The following MAP3K5 variants were observed in gnomAD, a reference collection of about 807,000 sequenced individuals.
MAP3K5 encodes the protein ASK-1.
In MAP3K5, 56 loss-of-function variants were observed where a neutral mutation model predicts 158.7. The observed-to-expected ratio is 0.35, with a 90% CI of 0.28 to 0.44. The LOEUF is 0.44. MAP3K5 is among the 20% of genes least tolerant of loss of function. The pLI is 1.00. For synonymous variants in MAP3K5, 579 were observed against 601.7 expected (o/e 0.96, Z 0.55); for missense variants, 1,294 against 1,674.8 (o/e 0.77, Z 3.97).
intron 1 of MAP3K5, among the ~76,000 whole-genome samples, chr6:136,748,351 G>A (rs368492087): frequency 1.3e-5 from 2 of 152,188 alleles, no homozygotes; most frequent in East Asian, 3.8e-4. Flanking sequence ...CACCAAGCAT[G>A]TAGGAGTTAT....
intron 21 of MAP3K5, chr6:136,592,862 T>A (rs1034034047): frequency 3.1e-5 from 17 of 553,492 alleles, no homozygotes; most frequent in Non-Finnish European, 5.2e-5. Context: ...ACCAAAACAG[T>A]CAAGGAAGCC....
chr6:136,578,864 T>A (rs558886846), intron 25 of MAP3K5, among the ~76,000 whole-genome samples: 4 of 152,014 alleles, frequency 2.6e-5, no homozygotes, highest in Non-Finnish European at 4.4e-5. Flanking sequence ...CATTTATAAA[T>A]AATTTTAATT....
At chr6:136,574,683 C>CTTTTTTTTT (rs1223054758) in intron 25 of MAP3K5, among the ~76,000 whole-genome samples, 1 of 108,548 alleles carries the variant, frequency 9.2e-6, no homozygotes, top group South Asian at 2.9e-4. Context: ...AGATTAAACA[C>CTTTTTTTTT]TTTTTTTTTT....
chr6:136,735,200 T>C (rs970533162), intron 1 of MAP3K5, among the ~76,000 whole-genome samples: 1 of 152,216 alleles, frequency 6.6e-6, no homozygotes, highest in Non-Finnish European at 1.5e-5. Context: ...TAAGCATTAA[T>C]AGTTATTAAA....
At chr6:136,565,775 G>A (rs954848313) in intron 26 of MAP3K5, among the ~76,000 whole-genome samples, 2 of 152,154 alleles carry the variant, frequency 1.3e-5, no homozygotes, top group Admixed American at 1.3e-4. Context: ...TACTAAAGCA[G>A]CTGTCCTTTC....
intron 1 of MAP3K5, among the ~76,000 whole-genome samples, chr6:136,757,386 C>G (rs1418825280): frequency 6.6e-6 from 1 of 152,102 alleles, no homozygotes; most frequent in African/African-American, 2.4e-5. Flanking sequence ...GAGAAATAAG[C>G]TCAAGGGAGA....
intron 1 of MAP3K5, among the ~76,000 whole-genome samples, chr6:136,754,840 G>C (rs1260663106): frequency 6.6e-6 from 1 of 152,112 alleles, no homozygotes; most frequent in Non-Finnish European, 1.5e-5. Context: ...TGGAACAGAG[G>C]AAACGGGGCT....
intron 14 of MAP3K5, among the ~76,000 whole-genome samples, chr6:136,633,425 G>GTA (rs139665870): frequency 0.16 from 23,099 of 147,282 alleles, 1,926 homozygotes; most frequent in Non-Finnish European, 0.2. Context: ...ATAAATATAT[G>GTA]TATATATATA....
At chr6:136,761,979 C>T (rs112641916) in intron 1 of MAP3K5, among the ~76,000 whole-genome samples, 13 of 152,042 alleles carry the variant, frequency 8.6e-5, no homozygotes, top group African/African-American at 2.2e-4. Context: ...GCAATCCTGC[C>T]GAAAATTAAA....
intron 5 of MAP3K5, 35 bp from the exon 6 acceptor site, chr6:136,696,092 C>A: frequency 8.0e-7 from 1 of 1,248,764 alleles, no homozygotes; most frequent in Non-Finnish European, 1.2e-6. Flanking sequence ...CAGAATTAAA[C>A]CATTAGGAGA....
intron 7 of MAP3K5, among the ~76,000 whole-genome samples, chr6:136,678,531 C>T (rs890088183): frequency 2.0e-5 from 3 of 151,934 alleles, no homozygotes; most frequent in Non-Finnish European, 4.4e-5. Context: ...GCAAAACTAT[C>T]TATAAAGATA....
chr6:136,636,857 A>C, intron 14 of MAP3K5: 2 of 987,964 alleles, frequency 2.0e-6, no homozygotes, highest in Non-Finnish European at 2.4e-6. Context: ...AAAGGATTCC[A>C]GTTGAGAGGA....
chr6:136,659,505 G>T, intron 8 of MAP3K5, 127 bp from the exon 9 acceptor site: 1 of 838,278 alleles, frequency 1.2e-6, no homozygotes, highest in Non-Finnish European at 1.9e-6. Context: ...TTAAGTTTCT[G>T]ATTATTAAGG....
chr6:136,656,186 A>G (rs1358196158), intron 10 of MAP3K5, 121 bp downstream of exon 10: 1 of 747,982 alleles, frequency 1.3e-6, no homozygotes, highest in African/African-American at 1.8e-5. Context: ...AAATAAAGAT[A>G]TTAACCAGAT....
chr6:136,590,156 C>T (rs1248255204), intron 23 of MAP3K5, among the ~76,000 whole-genome samples: 1 of 152,198 alleles, frequency 6.6e-6, no homozygotes, highest in East Asian at 1.9e-4. Context: ...TGCCTTTCTA[C>T]TTTCTACCAC....
At chr6:136,694,069 C>G in intron 7 of MAP3K5, 71 bp downstream of exon 7, 3 of 1,174,394 alleles carry the variant, frequency 2.6e-6, no homozygotes, top group Non-Finnish European at 3.7e-6. Context: ...CTTTAACACT[C>G]TCATTTGCAA....
intron 1 of MAP3K5, among the ~76,000 whole-genome samples, chr6:136,751,040 T>A (rs1350545211): frequency 1.3e-5 from 2 of 152,148 alleles, no homozygotes; most frequent in African/African-American, 4.8e-5. Flanking sequence ...TGAGTTGTTT[T>A]TTTCCCCACT....
chr6:136,578,863 A>C (rs916948820), intron 25 of MAP3K5, among the ~76,000 whole-genome samples: 1 of 152,132 alleles, frequency 6.6e-6, no homozygotes, highest in Admixed American at 6.5e-5. Context: ...CCATTTATAA[A>C]TAATTTTAAT....
At chr6:136,730,411 A>G (rs1264017273) in intron 1 of MAP3K5, among the ~76,000 whole-genome samples, 3 of 151,958 alleles carry the variant, frequency 2.0e-5, no homozygotes, top group Non-Finnish European at 4.4e-5. Context: ...CAGAGAGATA[A>G]AAAACAGAAA....
Sources: gnomAD v4.1 joint callset for allele counts (sites outside exome capture counted in the v4.1 genomes callset) on GRCh38, gnomAD v4.1.1 for gene constraint, MANE v1.5 for transcripts, NCBI Gene and HGNC (gene_info 2026-07-23, HGNC 2026-07-21) for gene names.